NFATC2: variants seen among roughly 807,000 people sequenced by gnomAD.
The protein encoded by NFATC2 is nuclear factor of activated T-cells, cytoplasmic 2.
Under a neutral mutation model 87.3 loss-of-function variants are expected in NFATC2, and 22 were observed. The observed-to-expected ratio is 0.25, with a 90% CI of 0.18 to 0.36. The LOEUF is 0.36. Among genes scored for constraint, NFATC2 ranks in the 10% least tolerant of loss-of-function variants. The pLI, the probability that NFATC2 is intolerant of heterozygous loss-of-function variation, is 1.00. For synonymous variants in NFATC2, 565 were observed against 542.2 expected, an observed-to-expected ratio of 1.04 and a Z score of -0.58; for missense variants, 1,149 against 1,259.1, an observed-to-expected ratio of 0.91 and a Z score of 1.32.
chr20:51,543,045 C>T (rs563472139), upstream of NFATC2, among the ~76,000 whole-genome samples: 1 of 152,274 alleles, frequency 6.6e-6, no homozygotes, highest in South Asian at 2.1e-4. Context: ...CACACTTTTT[C>T]CTGCTTTTCT....
chr20:51,452,517 G>A (rs531786846), intron 6 of NFATC2, among the ~76,000 whole-genome samples: 7 of 152,248 alleles, frequency 4.6e-5, no homozygotes, highest in South Asian at 2.1e-4. Context: ...TCTAGACCAC[G>A]TGGCCACATA....
intron 9 of NFATC2, among the ~76,000 whole-genome samples, chr20:51,416,391 C>T (rs889153671): frequency 6.6e-6 from 1 of 152,210 alleles, no homozygotes; most frequent in African/African-American, 2.4e-5. Flanking sequence ...TAGGGCACAG[C>T]ACCCACCTGG....
chr20:51,415,205 C>T (rs1979871242), intron 9 of NFATC2, among the ~76,000 whole-genome samples: 1 of 145,246 alleles, frequency 6.9e-6, no homozygotes, highest in Admixed American at 7.0e-5. Context: ...ATGATCCTAC[C>T]ATGGCACTCC....
intron 6 of NFATC2, among the ~76,000 whole-genome samples, chr20:51,443,167 A>AT (rs1555877919): frequency 7.3e-5 from 11 of 150,962 alleles, no homozygotes; most frequent in African/African-American, 2.7e-4. Context: ...GCTCAGGGAG[A>AT]CCCCCCCTTC....
At position 51,523,530 on chromosome 20, in the gene NFATC2, G is replaced by A. The variant is rs140961170; in HGVS notation, c.711C>T (p.Pro237=). ...AGGAGCGGGAGGCCGGACGGGGCAC[G>A]GGCGAGTGGCGGCCCAGGCAGCTGT... ...AEDSCLGRHS[P]VPRPASRSSS... The change falls in exon 2 of 11, where the codon CCC becomes CCT. Residue 237 remains proline, a synonymous_variant. Coordinates refer to ENST00000371564, the MANE Select transcript of NFATC2 (RefSeq NM_012340.5). This position sits in a 1 kb window ranked among gnomAD's most constrained non-coding sequence, Gnocchi z 6.9. 133 of 1,613,640 alleles carry A rather than the reference G, an allele frequency of 8.2e-5. No individual in the cohort carries two copies. In the African/African-American group the frequency reaches 1.6e-3, roughly 19 times the overall value.
At chr20:51,488,872 C>T (rs1214170924) in intron 3 of NFATC2, among the ~76,000 whole-genome samples, 1 of 152,188 alleles carries the variant, frequency 6.6e-6, no homozygotes, top group Non-Finnish European at 1.5e-5. Flanking sequence ...TTAAAATCCC[C>T]CCATGGCTTC....
chr20:51,542,357 A>T lies in NFATC2; in HGVS notation c.130+13T>A. On this transcript the variant is annotated intron_variant, in intron 1 of 10. Coordinates refer to ENST00000371564, the MANE Select transcript of NFATC2 (RefSeq NM_012340.5). ...CGGGCTCAGGGGCCAGGCCAGGGGT[A>T]GCCTCCACCGACCTTCGTTCGGATT... 1 of 1,603,198 alleles carries T rather than the reference A, an allele frequency of 6.2e-7. No homozygotes were observed. Among genetic ancestry groups the T allele is most frequent in the East Asian group, 2.3e-5 (1 of 43,174 alleles).
chr20:51,408,152 C>T (rs1358810215), intron 9 of NFATC2, among the ~76,000 whole-genome samples: 1 of 152,096 alleles, frequency 6.6e-6, no homozygotes, highest in Non-Finnish European at 1.5e-5. Context: ...CAGTGAGCCT[C>T]GTGAGAAGTG....
intron 5 of NFATC2, among the ~76,000 whole-genome samples, chr20:51,460,167 T>G (rs1310854740): frequency 6.6e-6 from 1 of 152,220 alleles, no homozygotes; most frequent in Non-Finnish European, 1.5e-5. Context: ...CACAACACTT[T>G]ATTTGTTTAA....
chr20:51,542,859 G>T (rs924644571), upstream of NFATC2: 2 of 417,970 alleles, frequency 4.8e-6, no homozygotes, highest in African/African-American at 4.4e-5. Flanking sequence ...GGCCGGTGCC[G>T]GGAGGAAGGA....
chr20:51,535,506 T>C (rs1192664839), intron 1 of NFATC2, among the ~76,000 whole-genome samples: 1 of 152,214 alleles, frequency 6.6e-6, no homozygotes, highest in Non-Finnish European at 1.5e-5. Flanking sequence ...GCTTCTTTAT[T>C]TATACTTTTC....
rs184276397 is a variant in NFATC2, at chr20:51,453,498, T to C, written c.1849+1050A>G. ...TCATGTCTGTTAAGGAAAAGGAAAATTGGTTCTAGTATCCAAAATAAGTGT... is the reference window on the plus strand; with the variant it reads ...TCATGTCTGTTAAGGAAAAGGAAAACTGGTTCTAGTATCCAAAATAAGTGT... On this transcript the variant is annotated intron_variant, in intron 6 of 10. Transcript: ENST00000371564. Among the ~76,000 whole-genome samples the C allele has an allele frequency of 1.3e-3, 203 of 152,280 alleles. 1 individual carries two copies. Among genetic ancestry groups the C allele is most frequent in the African/African-American group, 4.8e-3 (198 of 41,554 alleles).
chr20:51,443,581 A>G (rs1984654430), intron 6 of NFATC2, among the ~76,000 whole-genome samples: 1 of 152,182 alleles, frequency 6.6e-6, no homozygotes, highest in Admixed American at 6.5e-5. Flanking sequence ...CAATCAGAGC[A>G]ACACAGCCCA....
upstream of NFATC2, chr20:51,542,747 G>C: frequency 5.8e-6 from 4 of 692,904 alleles, no homozygotes; most frequent in Non-Finnish European, 6.7e-6. Flanking sequence ...AGCCCGGGGA[G>C]GCGGGGGGGG....
intron 10 of NFATC2, among the ~76,000 whole-genome samples, chr20:51,391,919 TA>T (rs1426500305): frequency 6.6e-6 from 1 of 152,256 alleles, no homozygotes; most frequent in African/African-American, 2.4e-5. Context: ...CTTCAGGCAA[TA>T]TTTTTTGCTA....
At chr20:51,398,900 A>C in intron 9 of NFATC2, 170 bp from the exon 10 acceptor site, 1 of 602,942 alleles carries the variant, frequency 1.7e-6, no homozygotes, top group Non-Finnish European at 3.0e-6. Flanking sequence ...GCCAGAATTA[A>C]CCCAACACTA....
intron 3 of NFATC2, among the ~76,000 whole-genome samples, chr20:51,495,013 A>G (rs1049993802): frequency 5.3e-5 from 8 of 152,152 alleles, no homozygotes; most frequent in Admixed American, 6.5e-5. Context: ...TGCTACAGCA[A>G]TTGCCTCCAG....
chr20:51,513,227 T>C (rs887580325), intron 3 of NFATC2, among the ~76,000 whole-genome samples: 16 of 152,176 alleles, frequency 1.1e-4, no homozygotes, highest in Non-Finnish European at 1.9e-4. Flanking sequence ...ACTGTAATCC[T>C]AACACTTTGG....
upstream of NFATC2, among the ~76,000 whole-genome samples, chr20:51,545,858 G>A (rs768377762): frequency 6.6e-6 from 1 of 152,138 alleles, no homozygotes; most frequent in Admixed American, 6.5e-5. Flanking sequence ...TGGATGAATG[G>A]ATGGATGAAA....
Sources: allele counts gnomAD v4.1 joint callset (sites outside exome capture counted in the v4.1 genomes callset), GRCh38; gene constraint gnomAD v4.1.1; non-coding constraint Gnocchi (gnomAD v3.1); transcripts MANE v1.5; gene names NCBI Gene and HGNC (gene_info 2026-07-23, HGNC 2026-07-21).